The following SOCS4 variants were observed in gnomAD, a reference collection of about 807,000 sequenced individuals.
The protein encoded by SOCS4 is SH2 domain containing SOCS box protein.
In SOCS4, 20 loss-of-function variants were observed where a neutral mutation model predicts 34.1. That is an observed-to-expected ratio of 0.59 (90% confidence interval 0.41 to 0.85). The LOEUF (loss-of-function observed/expected upper bound fraction) is 0.85, where lower values mean the gene tolerates loss of function less well. Ranked by LOEUF, SOCS4 falls within the 40% of genes least tolerant of loss-of-function variation. The pLI, the probability that SOCS4 is intolerant of heterozygous loss-of-function variation, is 0.00. For missense variants in SOCS4, 479 were observed against 532.4 expected (o/e 0.90, Z 0.99); for synonymous variants, 180 against 186.4 (o/e 0.97, Z 0.28).
chr14:55,040,542 A>G (rs2042608333), intron 2 of SOCS4, among the ~76,000 whole-genome samples: 1 of 152,206 alleles, frequency 6.6e-6, no homozygotes, highest in Admixed American at 6.5e-5. Context: ...CAGGAGATCG[A>G]GACCATCCTG....
Position 55,031,767 on chromosome 14 carries a change from G to A in SOCS4, c.-219-96G>A, listed in dbSNP as rs139408690. The A allele has an allele frequency of 1.8e-4, 27 of 152,318 alleles. No individual in the cohort carries two copies. In the East Asian group the frequency reaches 4.6e-3, roughly 26 times the overall value. 9.4% of individuals were successfully genotyped at this position (152,318 alleles called of 1,614,324 possible). A position where few individuals can be genotyped will look rare whatever the true frequency, so the allele number is the denominator to read the frequency against. The stretch of plus-strand genomic sequence containing the variant: ...AAAATATTTACTGGAAAATGAACCT[G>A]TATTGCTTCTGTAATGAGAAAACAT... On this transcript the variant is annotated intron_variant, in intron 1 of 2. Transcript: ENST00000555846.
Position 55,045,890 on chromosome 14 carries a change from T to C in SOCS4, c.*1526T>C, listed in dbSNP as rs1461532802. Reference sequence around the variant, plus strand: ...TAGAACAAATATTTCTTCATTATTGTTGCTTTTATGTGAGTAGCATTTCCC... The same window carrying C: ...TAGAACAAATATTTCTTCATTATTGCTGCTTTTATGTGAGTAGCATTTCCC... On this transcript the variant is annotated 3_prime_UTR_variant, in exon 3 of 3. Transcript: ENST00000555846. 2 of 167,008 alleles carry C rather than the reference T, an allele frequency of 1.2e-5. No homozygotes were observed. The highest frequency in any genetic ancestry group is 2.9e-5 in the Non-Finnish European group (2 of 68,012). 10.3% of individuals were successfully genotyped at this position (167,008 alleles called of 1,614,324 possible).
Position 55,044,814 on chromosome 14 carries a change from T to C in SOCS4, c.*450T>C, listed in dbSNP as rs558622084. The C allele has an allele frequency of 6.0e-6, 1 of 167,344 alleles. No homozygotes were observed. Among genetic ancestry groups the C allele is most frequent in the South Asian group, 2.1e-4 (1 of 4,832 alleles). 10.4% of individuals were successfully genotyped at this position (167,344 alleles called of 1,614,324 possible). Reference sequence around the variant, plus strand: ...CATTAGTAGTATTATATATAAAATATAGTTCCCCGTCCCCCTTTTCATTGA... The same window carrying C: ...CATTAGTAGTATTATATATAAAATACAGTTCCCCGTCCCCCTTTTCATTGA... On this transcript the variant is annotated 3_prime_UTR_variant, in exon 3 of 3. Coordinates refer to ENST00000555846, the MANE Select transcript of SOCS4 (RefSeq NM_199421.2).
intron 2 of SOCS4, among the ~76,000 whole-genome samples, chr14:55,039,330 C>A (rs568016728): frequency 1.3e-5 from 2 of 152,050 alleles, no homozygotes; most frequent in Non-Finnish European, 2.9e-5. Context: ...CCCTACTACT[C>A]CAGAGGCTGA....
At chr14:55,037,148 AT>A (rs138442784) in intron 2 of SOCS4, among the ~76,000 whole-genome samples, 56,983 of 142,326 alleles carry the variant, frequency 0.4, 11,177 homozygotes, top group African/African-American at 0.49. Context: ...TAGCAATCAT[AT>A]TTTTTTTTTT....
chr14:55,035,662 G>A (rs2042566044), intron 2 of SOCS4, among the ~76,000 whole-genome samples: 1 of 152,138 alleles, frequency 6.6e-6, no homozygotes, highest in Non-Finnish European at 1.5e-5. Context: ...GAACATATAT[G>A]TTAACATATA....
intron 2 of SOCS4, among the ~76,000 whole-genome samples, chr14:55,038,861 G>C (rs192226687): frequency 6.6e-6 from 1 of 152,222 alleles, no homozygotes; most frequent in African/African-American, 2.4e-5. Flanking sequence ...TGTCTTATCT[G>C]TGTTACCTCT....
Position 55,043,662 on chromosome 14 carries a change from A to T in SOCS4, c.621A>T (p.Glu207Asp), listed in dbSNP as rs762839646. Reference protein sequence around the residue: ...VITTDNALCREGPMTGSVMNL... With the variant: ...VITTDNALCRDGPMTGSVMNL... ...CCACCGACAATGCTTTGTGTAGAGA[A>T]GGTCCTATGACTGGCTCTGTGATGA... The change falls in exon 3 of 3, where the codon GAA (glutamate) becomes GAT (aspartate). Residue 207 changes from glutamate (E) to aspartate (D), a missense_variant. By Grantham distance (45) the Glu-to-Asp change is conservative (BLOSUM62 2). Coordinates refer to ENST00000555846, the MANE Select transcript of SOCS4 (RefSeq NM_199421.2). The T allele has an allele frequency of 1.2e-6, 2 of 1,614,182 alleles. No homozygotes were observed. Among genetic ancestry groups the T allele is most frequent in the Non-Finnish European group, 1.7e-6 (2 of 1,180,022 alleles).
At chr14:55,040,637 G>A (rs894190083) in intron 2 of SOCS4, among the ~76,000 whole-genome samples, 4 of 151,848 alleles carry the variant, frequency 2.6e-5, no homozygotes, top group East Asian at 3.9e-4. Flanking sequence ...CCAGCTACTC[G>A]GGAGGCTGAG....
In SOCS4 at chr14:55,045,435, G is replaced by T. The variant is rs1331505030; in HGVS notation, c.*1071G>T. 1.2e-5 allele frequency: 2 copies of T among 166,882 alleles called. No homozygotes were observed. Among genetic ancestry groups the T allele is most frequent in the Non-Finnish European group, 2.9e-5 (2 of 68,014 alleles). The allele number at this position is 166,882 out of a possible 1,614,324, so 10.3% of individuals were successfully genotyped here. ...AATAAACATGGAGCTCAGTATTCAG[G>T]AAGCTTAATACTGTTTTTGATCTAC... On this transcript the variant is annotated 3_prime_UTR_variant, in exon 3 of 3. Transcript: ENST00000555846.
rs2042665477 is a variant in SOCS4, at chr14:55,045,342, A to G, written c.*978A>G. 1 of 167,002 alleles carries G rather than the reference A, an allele frequency of 6.0e-6. No individual in the cohort carries two copies. The highest frequency in any genetic ancestry group is 1.5e-5 in the Non-Finnish European group (1 of 68,030). The allele number at this position is 167,002 out of a possible 1,614,324, so 10.3% of individuals were successfully genotyped here. On this transcript the variant is annotated 3_prime_UTR_variant, in exon 3 of 3. Transcript: ENST00000555846. ...AATGTATTAGCAGCCACAAATTTCC[A>G]CTGGTAACCAAAGAGTACCTAAGTA...
chr14:55,027,512 C>T (rs559555557), intron 1 of SOCS4, 41 bp downstream of exon 1: 1 of 153,098 alleles, frequency 6.5e-6, no homozygotes, highest in South Asian at 2.1e-4. Context: ...CCTCGCAGGC[C>T]GGGGTCTTGT....
At chr14:55,031,066 G>A (rs1264809286) in intron 1 of SOCS4, among the ~76,000 whole-genome samples, 1 of 151,924 alleles carries the variant, frequency 6.6e-6, no homozygotes, top group Non-Finnish European at 1.5e-5. Context: ...TATACAATGA[G>A]CATATATTGT....
At chr14:55,041,199 C>A (rs746574272) in intron 2 of SOCS4, among the ~76,000 whole-genome samples, 9 of 152,068 alleles carry the variant, frequency 5.9e-5, no homozygotes, top group Non-Finnish European at 8.8e-5. Flanking sequence ...AAATGGAGTT[C>A]TTTATATGGC....
chr14:55,036,533 G>A (rs559296581), intron 2 of SOCS4, among the ~76,000 whole-genome samples: 1 of 151,784 alleles, frequency 6.6e-6, no homozygotes, highest in Non-Finnish European at 1.5e-5. Context: ...TAGTAGAGAC[G>A]GGGTTTTACC....
chr14:55,031,791 A>G (rs892431176), intron 1 of SOCS4, 72 bp from the exon 2 acceptor site: 1 of 152,220 alleles, frequency 6.6e-6, no homozygotes, highest in Non-Finnish European at 1.5e-5. Context: ...ATGAGAAAAC[A>G]TTTGTTTTTT....
At chr14:55,035,980 C>T (rs1435917989) in intron 2 of SOCS4, among the ~76,000 whole-genome samples, 1 of 151,738 alleles carries the variant, frequency 6.6e-6, no homozygotes, top group African/African-American at 2.4e-5. Flanking sequence ...AAAAAAAATG[C>T]GGACACGAGC....
chr14:55,034,838 CATTG>C (rs2042558110), intron 2 of SOCS4, among the ~76,000 whole-genome samples: 1 of 148,660 alleles, frequency 6.7e-6, no homozygotes, highest in South Asian at 2.2e-4. Context: ...AAAAAGTTTT[CATTG>C]CATTAACTCT....
In SOCS4 at chr14:55,045,162, T is replaced by A. The variant is rs1021192764; in HGVS notation, c.*798T>A. The A allele has an allele frequency of 6.0e-6, 1 of 166,924 alleles. No individual in the cohort carries two copies. Among genetic ancestry groups the A allele is most frequent in the Non-Finnish European group, 1.5e-5 (1 of 68,066 alleles). The allele number at this position is 166,924 out of a possible 1,614,324, so 10.3% of individuals were successfully genotyped here. On this transcript the variant is annotated 3_prime_UTR_variant, in exon 3 of 3. Coordinates refer to ENST00000555846, the MANE Select transcript of SOCS4 (RefSeq NM_199421.2). ...AAACATAAATCTTGTTCCTTTCTCA[T>A]TGGAAGCTTTGAAAATAATGATAAC...
Sources: allele counts gnomAD v4.1 joint callset (sites outside exome capture counted in the v4.1 genomes callset), GRCh38; gene constraint gnomAD v4.1.1; transcripts MANE v1.5; gene names NCBI Gene and HGNC (gene_info 2026-07-23, HGNC 2026-07-21).